ATP8B4: variants seen among roughly 807,000 people sequenced by gnomAD.
ATP8B4 encodes the protein ATPase phospholipid transporting 8B4 (putative), also known as probable phospholipid-transporting ATPase IM.
Under a neutral mutation model 145.6 loss-of-function variants are expected in ATP8B4, and 133 were observed. The ratio of observed to expected loss-of-function variants is 0.91; its 90% CI spans 0.79 to 1.05. The LOEUF (loss-of-function observed/expected upper bound fraction) is 1.05. Ranked by LOEUF, ATP8B4 falls within the 50% of genes least tolerant of loss-of-function variation. ATP8B4 has a pLI of 0.00. For synonymous variants in ATP8B4, 507 were observed against 492.9 expected (o/e 1.03, Z -0.38); for missense variants, 1,458 against 1,425.2 (o/e 1.02, Z -0.37).
intron 3 of ATP8B4, among the ~76,000 whole-genome samples, chr15:50,063,937 G>A (rs974233372): frequency 3.3e-5 from 5 of 152,084 alleles, no homozygotes; most frequent in African/African-American, 1.2e-4. Flanking sequence ...TATCAATTTG[G>A]CTCAATTGAT....
In ATP8B4 at chr15:49,860,242, G is replaced by C. The variant is rs1469182895; in HGVS notation, c.3531C>G (p.Thr1177=). Residue 1177 remains threonine (T), a synonymous_variant, in exon 28 of 28, where the codon ACC becomes ACG. Transcript: ENST00000284509. ...TSWIENLCKK[T]TDTVSSFSQD... ...GGCTAAAGCTGCTCACGGTGTCTGT[G>C]GTTTTCTTACATAAATTTTCAATCC... The C allele has an allele frequency of 6.2e-7, 1 of 1,613,970 alleles. No individual in the cohort carries two copies. Among genetic ancestry groups the C allele is most frequent in the Non-Finnish European group, 8.5e-7 (1 of 1,179,974 alleles).
intron 1 of ATP8B4, among the ~76,000 whole-genome samples, chr15:50,146,801 G>A (rs1595646019): frequency 6.6e-6 from 1 of 152,130 alleles, no homozygotes; most frequent in Admixed American, 6.5e-5. Flanking sequence ...GTCCCTGCTA[G>A]AGAACTTCCC....
At chr15:50,069,440 AG>A (rs1391202540) in intron 3 of ATP8B4, among the ~76,000 whole-genome samples, 1 of 152,170 alleles carries the variant, frequency 6.6e-6, no homozygotes, top group East Asian at 1.9e-4. Flanking sequence ...CCAGGAAAAA[AG>A]TTTGTCTGAT....
chr15:50,048,535 C>G (rs905338705), intron 3 of ATP8B4, among the ~76,000 whole-genome samples: 2 of 151,790 alleles, frequency 1.3e-5, no homozygotes, highest in African/African-American at 4.8e-5. Context: ...AGATGAAACC[C>G]CCTCTCTACT....
intron 2 of ATP8B4, among the ~76,000 whole-genome samples, chr15:50,079,909 G>C (rs568813625): frequency 6.6e-6 from 1 of 152,118 alleles, no homozygotes; most frequent in Non-Finnish European, 1.5e-5. Context: ...TACAAGACCC[G>C]AAAGAAGATC....
intron 25 of ATP8B4, 49 bp from the exon 26 acceptor site, chr15:49,866,533 G>A (rs1238961197): frequency 6.9e-6 from 11 of 1,595,798 alleles, no homozygotes; most frequent in Non-Finnish European, 9.4e-6. Flanking sequence ...GATTAAAACA[G>A]CATCATTTTA....
At chr15:50,085,495 G>C (rs1465822199) in intron 2 of ATP8B4, among the ~76,000 whole-genome samples, 1 of 152,014 alleles carries the variant, frequency 6.6e-6, no homozygotes, top group African/African-American at 2.4e-5. Flanking sequence ...CAGGAATGCA[G>C]ATCCACGCAG....
chr15:50,032,552 T>C (rs1010707982), intron 6 of ATP8B4, among the ~76,000 whole-genome samples: 4 of 152,192 alleles, frequency 2.6e-5, no homozygotes, highest in Admixed American at 2.0e-4. Flanking sequence ...AAATATCCAG[T>C]AATGGAATTG....
chr15:49,992,764 T>C (rs1188827815), intron 9 of ATP8B4, among the ~76,000 whole-genome samples: 1 of 152,146 alleles, frequency 6.6e-6, no homozygotes, highest in East Asian at 1.9e-4. Context: ...GCAAAAATAA[T>C]GCCATACCCA....
chr15:49,939,284 A>G (rs1194493800), intron 14 of ATP8B4, among the ~76,000 whole-genome samples: 2 of 152,144 alleles, frequency 1.3e-5, no homozygotes, highest in Non-Finnish European at 2.9e-5. Context: ...ATTGAGACCC[A>G]AAAGTCTATA....
At chr15:50,011,018 G>T in intron 6 of ATP8B4, 101 bp from the exon 7 acceptor site, 1 of 741,086 alleles carries the variant, frequency 1.3e-6, no homozygotes, top group Non-Finnish European at 2.0e-6. Context: ...AGAGGAAGCA[G>T]GCAAGACTTT....
At chr15:49,892,346 A>G (rs974253218) in intron 23 of ATP8B4, among the ~76,000 whole-genome samples, 6 of 152,214 alleles carry the variant, frequency 3.9e-5, no homozygotes, top group Non-Finnish European at 7.3e-5. Flanking sequence ...TAAGATGAAA[A>G]AAACTTTGAG....
chr15:50,164,330 G>A (rs1439067674), intron 1 of ATP8B4, among the ~76,000 whole-genome samples: 1 of 152,138 alleles, frequency 6.6e-6, no homozygotes, highest in East Asian at 1.9e-4. Context: ...GGGACCTAGG[G>A]CTCTTTAGTC....
chr15:50,016,617 G>A (rs773072944), intron 6 of ATP8B4, among the ~76,000 whole-genome samples: 1 of 152,120 alleles, frequency 6.6e-6, no homozygotes, highest in Non-Finnish European at 1.5e-5. Flanking sequence ...GCTGGAACAG[G>A]CCTTTACAAT....
Position 50,086,088 on chromosome 15 carries a change from CTT to C in ATP8B4, c.29-11905_29-11904del, listed in dbSNP as rs1390464289. Among the ~76,000 whole-genome samples, 172 of 107,722 alleles carry C rather than the reference CTT, an allele frequency of 1.6e-3. 4 individuals are homozygous for C. Among genetic ancestry groups the C allele is most frequent in the African/African-American group, 6.5e-3 (165 of 25,312 alleles). The allele number at this position is 107,722 out of a possible 152,430, so 70.7% of individuals were successfully genotyped here. On this transcript the variant is annotated intron_variant, in intron 2 of 27. Coordinates refer to ENST00000284509, the MANE Select transcript of ATP8B4 (RefSeq NM_024837.4). Reference sequence around the variant, plus strand: ...TATATATAATAAATATAGAACTATACTTATTATATATAATAAAATAAATATAG... The same window carrying C: ...TATATATAATAAATATAGAACTATACATTATATATAATAAAATAAATATAG...
chr15:49,861,694 G>C (rs538980049), intron 27 of ATP8B4, among the ~76,000 whole-genome samples: 7 of 152,274 alleles, frequency 4.6e-5, no homozygotes, highest in South Asian at 4.1e-4. Flanking sequence ...TAATTCTCCA[G>C]TTAAGGAATT....
intron 1 of ATP8B4, among the ~76,000 whole-genome samples, chr15:50,171,022 A>G (rs953255443): frequency 6.6e-6 from 1 of 152,218 alleles, no homozygotes; most frequent in Non-Finnish European, 1.5e-5. Flanking sequence ...AATCCTAAAT[A>G]CATATGCACC....
At chr15:50,077,121 T>C (rs1165986952) in intron 2 of ATP8B4, among the ~76,000 whole-genome samples, 2 of 152,226 alleles carry the variant, frequency 1.3e-5, no homozygotes, top group Non-Finnish European at 2.9e-5. Context: ...AAGGGGTTGA[T>C]GATTTACCAG....
intron 3 of ATP8B4, among the ~76,000 whole-genome samples, chr15:50,051,156 T>C (rs1301860429): frequency 6.6e-6 from 1 of 152,218 alleles, no homozygotes; most frequent in African/African-American, 2.4e-5. Context: ...ATGCTCATGA[T>C]AGTGAGTGAG....
Sources: allele counts gnomAD v4.1 joint callset (sites outside exome capture counted in the v4.1 genomes callset), GRCh38; gene constraint gnomAD v4.1.1; transcripts MANE v1.5; gene names NCBI Gene and HGNC (gene_info 2026-07-23, HGNC 2026-07-21).